The following MACROD2 variants were observed in gnomAD, a reference collection of about 807,000 sequenced individuals.
MACROD2 encodes ADP-ribose glycohydrolase MACROD2.
In MACROD2, 36 loss-of-function variants were observed where a neutral mutation model predicts 70.4. The observed-to-expected ratio is 0.51, with a 90% CI of 0.39 to 0.68. The LOEUF is 0.68. Ranked by LOEUF, MACROD2 falls within the 30% of genes least tolerant of loss-of-function variation. MACROD2 has a pLI of 0.00. For synonymous variants in MACROD2, 172 were observed against 178.8 expected, an observed-to-expected ratio of 0.96 and a Z score of 0.30; for missense variants, 496 against 538.4, an observed-to-expected ratio of 0.92 and a Z score of 0.78.
intron 5 of MACROD2, among the ~76,000 whole-genome samples, chr20:15,042,116 T>G (rs147503813): frequency 1.2e-3 from 183 of 151,768 alleles, no homozygotes; most frequent in Non-Finnish European, 1.9e-3. Context: ...AAAGAAAAAA[T>G]AAAAAACAAG....
chr20:15,132,174 T>C (rs948515214), intron 5 of MACROD2, among the ~76,000 whole-genome samples: 1 of 152,050 alleles, frequency 6.6e-6, no homozygotes, highest in Non-Finnish European at 1.5e-5. Flanking sequence ...TGACTATAAT[T>C]GTATAAATCT....
At chr20:15,936,589 A>C (rs913606633) in intron 11 of MACROD2, among the ~76,000 whole-genome samples, 1 of 150,290 alleles carries the variant, frequency 6.7e-6, no homozygotes, top group South Asian at 2.1e-4. Flanking sequence ...TCATATATGC[A>C]TGAAAACTGA....
At chr20:14,500,948 T>G (rs932851225) in intron 4 of MACROD2, among the ~76,000 whole-genome samples, 1 of 152,072 alleles carries the variant, frequency 6.6e-6, no homozygotes, top group Non-Finnish European at 1.5e-5. Flanking sequence ...CTGTCTCTCA[T>G]CCCGGATTCT....
intron 3 of MACROD2, among the ~76,000 whole-genome samples, chr20:14,226,905 G>A (rs1462159294): frequency 6.6e-6 from 1 of 152,262 alleles, no homozygotes; most frequent in African/African-American, 2.4e-5. Context: ...CACAGCGCGG[G>A]ACTGGCAGGC....
intron 5 of MACROD2, among the ~76,000 whole-genome samples, chr20:14,784,374 C>G (rs931717573): frequency 1.3e-5 from 2 of 152,084 alleles, no homozygotes; most frequent in Non-Finnish European, 2.9e-5. Flanking sequence ...CTATTGCAGT[C>G]CTTCTCCAAG....
chr20:15,672,707 G>A lies in MACROD2; in HGVS notation c.645+172860G>A, dbSNP rs902690267. Among the ~76,000 whole-genome samples, 14 of 152,146 alleles carry A rather than the reference G, an allele frequency of 9.2e-5. 1 individual carries two copies. The South Asian group carries it at 1.7e-3, about 18-fold the overall frequency. On this transcript the variant is annotated intron_variant, in intron 8 of 17. Transcript: ENST00000684519. ...AAAGAACTTTCACTGAGACTGTTGA[G>A]ACAGAGGCCGTCTGCCCTTTCCTGC...
intron 8 of MACROD2, among the ~76,000 whole-genome samples, chr20:15,832,453 G>T (rs1047393743): frequency 2.0e-5 from 3 of 152,178 alleles, no homozygotes; most frequent in Non-Finnish European, 4.4e-5. Context: ...GCTGTCACCT[G>T]CCCAGAAGCC....
intron 5 of MACROD2, among the ~76,000 whole-genome samples, chr20:15,044,645 G>C (rs1378451225): frequency 6.6e-6 from 1 of 152,140 alleles, no homozygotes; most frequent in Non-Finnish European, 1.5e-5. Flanking sequence ...TGAGGTGTTT[G>C]CTTTTTGTGA....
At chr20:14,278,777 T>C (rs1056555331) in intron 3 of MACROD2, among the ~76,000 whole-genome samples, 1 of 152,168 alleles carries the variant, frequency 6.6e-6, no homozygotes, top group Non-Finnish European at 1.5e-5. Flanking sequence ...CATTTTGGAG[T>C]ACATGAGTTC....
At chr20:14,879,766 A>G (rs1469329909) in intron 5 of MACROD2, among the ~76,000 whole-genome samples, 1 of 152,152 alleles carries the variant, frequency 6.6e-6, no homozygotes, top group Non-Finnish European at 1.5e-5. Flanking sequence ...TTTAAAGCAA[A>G]TTAGTGCTTT....
At chr20:15,560,762 CAAAAAAAAAAA>C (rs71190190) in intron 8 of MACROD2, among the ~76,000 whole-genome samples, 11 of 22,084 alleles carry the variant, frequency 5.0e-4, no homozygotes, top group East Asian at 1.1e-3. Flanking sequence ...AACAAAGTCT[CAAAAAAAAAAA>C]AAAAAAAAAA....
chr20:14,793,663 C>A (rs562164640), intron 5 of MACROD2, among the ~76,000 whole-genome samples: 14 of 152,002 alleles, frequency 9.2e-5, no homozygotes, highest in Admixed American at 6.6e-4. Flanking sequence ...AAAAGACATT[C>A]GCGTTATCAG....
chr20:14,063,282 T>C (rs1322441819), intron 2 of MACROD2, among the ~76,000 whole-genome samples: 1 of 152,142 alleles, frequency 6.6e-6, no homozygotes, highest in Admixed American at 6.5e-5. Flanking sequence ...AAGATGGAAA[T>C]TTATTTCTTT....
intron 4 of MACROD2, among the ~76,000 whole-genome samples, chr20:14,577,283 T>C (rs1020200103): frequency 6.6e-6 from 1 of 152,236 alleles, no homozygotes; most frequent in Non-Finnish European, 1.5e-5. Context: ...AACAGTTTTT[T>C]CATAATATGC....
At chr20:14,697,410 G>C (rs914226351) in intron 5 of MACROD2, among the ~76,000 whole-genome samples, 5 of 152,134 alleles carry the variant, frequency 3.3e-5, no homozygotes, top group Non-Finnish European at 7.4e-5. Flanking sequence ...CACAAAGAGG[G>C]AGCCGAAACA....
chr20:15,143,465 C>T (rs2145850065), intron 5 of MACROD2, among the ~76,000 whole-genome samples: 2 of 152,220 alleles, frequency 1.3e-5, no homozygotes, highest in South Asian at 2.1e-4. Context: ...TGTAGGTTGC[C>T]TGTTCACTCT....
At chr20:14,570,457 G>T (rs1980114702) in intron 4 of MACROD2, among the ~76,000 whole-genome samples, 1 of 151,830 alleles carries the variant, frequency 6.6e-6, no homozygotes, top group Non-Finnish European at 1.5e-5. Flanking sequence ...TGTACAATTT[G>T]CTGTGTGTGT....
At chr20:15,940,383 A>T (rs1349754324) in intron 12 of MACROD2, among the ~76,000 whole-genome samples, 1 of 152,120 alleles carries the variant, frequency 6.6e-6, no homozygotes, top group African/African-American at 2.4e-5. Context: ...GGCAAGCACC[A>T]CTGCGCCTGG....
At chr20:15,155,147 G>C (rs1464531402) in intron 5 of MACROD2, among the ~76,000 whole-genome samples, 2 of 152,156 alleles carry the variant, frequency 1.3e-5, no homozygotes, top group Non-Finnish European at 2.9e-5. Context: ...GGTAACTGTT[G>C]CTAGTATATA....
Sources: allele counts gnomAD v4.1 joint callset (sites outside exome capture counted in the v4.1 genomes callset), GRCh38; gene constraint gnomAD v4.1.1; transcripts MANE v1.5; gene names NCBI Gene and HGNC (gene_info 2026-07-23, HGNC 2026-07-21).